Variants in TIMP2 observed in about 807,000 individuals in gnomAD.
TIMP2 encodes metalloproteinase inhibitor 2.
In TIMP2, 5 loss-of-function variants were observed where a neutral mutation model predicts 24.3. That is an observed-to-expected ratio of 0.21 (90% CI 0.11 to 0.43). The LOEUF is 0.43. Among genes scored for constraint, TIMP2 ranks in the 20% least tolerant of loss-of-function variants. TIMP2 has a pLI of 1.00. For synonymous variants in TIMP2, 130 were observed against 123.2 expected (o/e 1.06, Z -0.37); for missense variants, 221 against 297.5 (o/e 0.74, Z 1.89).
chr17:78,883,654 C>T (rs1177370738), intron 1 of TIMP2, among the ~76,000 whole-genome samples: 2 of 152,182 alleles, frequency 1.3e-5, no homozygotes, highest in Admixed American at 6.5e-5. Context: ...GATTCTAGTG[C>T]ACGTGAGCTG....
intron 1 of TIMP2, among the ~76,000 whole-genome samples, chr17:78,893,048 G>A (rs916802738): frequency 1.3e-5 from 2 of 152,206 alleles, no homozygotes; most frequent in Non-Finnish European, 2.9e-5. Context: ...GGAGGAGCCT[G>A]CCAAGCATGT....
At chr17:78,890,953 C>T in intron 1 of TIMP2, 1 of 1,551,016 alleles carries the variant, frequency 6.4e-7, no homozygotes, top group Non-Finnish European at 8.7e-7. Flanking sequence ...CAAGCGATTC[C>T]AGTTGTTTTT....
chr17:78,917,888 C>G (rs754985869), intron 1 of TIMP2, among the ~76,000 whole-genome samples: 1 of 152,150 alleles, frequency 6.6e-6, no homozygotes, highest in East Asian at 1.9e-4. Flanking sequence ...AAGGCAAGAT[C>G]GTTACCATCG....
chr17:78,893,496 T>C (rs970067503), intron 1 of TIMP2, among the ~76,000 whole-genome samples: 3 of 150,268 alleles, frequency 2.0e-5, no homozygotes, highest in Non-Finnish European at 3.0e-5. Flanking sequence ...CAGGGGTGTG[T>C]GCGCGCAGGG....
At chr17:78,914,901 C>CT (rs71161637) in intron 1 of TIMP2, among the ~76,000 whole-genome samples, 81,044 of 138,516 alleles carry the variant, frequency 0.59, 23,511 homozygotes, top group Middle Eastern at 0.67. Context: ...TGGGCTTTTT[C>CT]TTTTTTTTTT....
chr17:78,907,827 G>A (rs1415940561), intron 1 of TIMP2, among the ~76,000 whole-genome samples: 1 of 152,122 alleles, frequency 6.6e-6, no homozygotes, highest in Non-Finnish European at 1.5e-5. Flanking sequence ...AAAGTCTAAT[G>A]TCCCCTCATG....
rs2069895181 is a variant in TIMP2 at position 78,891,566 on chromosome 17, G to A, written c.131-17647C>T. 2 of 1,550,848 alleles carry A rather than the reference G, an allele frequency of 1.3e-6. No individual in the cohort carries two copies. The highest frequency in any genetic ancestry group is 2.0e-5 in the Admixed American group (1 of 51,004). ...TTCCCTTCTGCAGCTGGAATCAGCT[G>A]GCCACAGCTGCCCGAGGTCTCTCAG... On this transcript the variant is annotated intron_variant, in intron 1 of 4. Transcript: ENST00000262768. The surrounding 1 kb of genome is among the most constrained non-coding windows in gnomAD (Gnocchi z 4.5).
chr17:78,893,116 C>T (rs369357677), intron 1 of TIMP2, among the ~76,000 whole-genome samples: 108 of 143,136 alleles, frequency 7.5e-4, no homozygotes, highest in East Asian at 4.4e-3. Flanking sequence ...TGTGCACATG[C>T]ACATGTGTGT....
chr17:78,924,921 T>C lies in TIMP2; in HGVS notation c.130+38A>G. On this transcript the variant is annotated intron_variant, in intron 1 of 4. Transcript: ENST00000262768. The surrounding 1 kb of genome is among the most constrained non-coding windows in gnomAD (Gnocchi z 5.3). ...CGAACCCTCGGGGTCGCGGGGGAGG[T>C]GGGGCCCCGCGCGGGGGCTGGGGTC... 9.2e-7 allele frequency: 1 copy of C among 1,089,492 alleles called. No individual in the cohort carries two copies. The allele number at this position is 1,089,492 out of a possible 1,614,324, so 67.5% of individuals were successfully genotyped here. A position where few individuals can be genotyped will look rare whatever the true frequency, so the allele number is the denominator to read the frequency against.
Position 78,855,251 on chromosome 17 carries a change from C to T in TIMP2, c.*416G>A. ...CTCAAGATGAAAGGGACCTGGTAGG[C>T]CTGCTACACAGTCTTGCAACGACCC... is the stretch of plus-strand genomic sequence containing the variant. On this transcript the variant is annotated 3_prime_UTR_variant, in exon 5 of 5. Transcript: ENST00000262768. The surrounding 1 kb of genome is among the most constrained non-coding windows in gnomAD (Gnocchi z 6.0). The T allele has an allele frequency of 4.8e-6, 1 of 208,148 alleles. No individual in the cohort carries two copies. Among genetic ancestry groups the T allele is most frequent in the South Asian group, 8.4e-5 (1 of 11,952 alleles). 12.9% of individuals were successfully genotyped at this position (208,148 alleles called of 1,614,324 possible).
At position 78,857,761 on chromosome 17, in the gene TIMP2, T is replaced by A. The variant is rs570453811; in HGVS notation, c.341-115A>T. 2.1e-5 allele frequency: 30 copies of A among 1,409,420 alleles called. No individual in the cohort carries two copies. The African/African-American group carries it at 2.8e-4, about 13-fold the overall frequency. The allele number at this position is 1,409,420 out of a possible 1,614,324, so 87.3% of individuals were successfully genotyped here. On this transcript the variant is annotated intron_variant, in intron 3 of 4. Transcript: ENST00000262768. ...TTCGTTGCAACAATCCTGTGCACTG[T>A]CTATTCTGAGTTAAAACACAGTGGG...
At chr17:78,892,626 T>G in intron 1 of TIMP2, 1 of 1,043,414 alleles carries the variant, frequency 9.6e-7, no homozygotes, top group Non-Finnish European at 1.4e-6. Flanking sequence ...AGCCTCCCAA[T>G]TTCTGTCCTG....
intron 3 of TIMP2, among the ~76,000 whole-genome samples, chr17:78,867,681 C>T (rs1003075020): frequency 3.3e-5 from 5 of 151,134 alleles, no homozygotes; most frequent in African/African-American, 7.3e-5. Context: ...CTACAAGTTC[C>T]GCCTCCCGGG....
intron 1 of TIMP2, chr17:78,902,037 C>T (rs1378749378): frequency 1.9e-6 from 1 of 534,988 alleles, no homozygotes; most frequent in African/African-American, 1.9e-5. Flanking sequence ...CTGTGTGCTG[C>T]CAGAGGCTTG....
At chr17:78,883,477 T>C (rs552365065) in intron 1 of TIMP2, among the ~76,000 whole-genome samples, 15 of 152,226 alleles carry the variant, frequency 9.9e-5, no homozygotes, top group Non-Finnish European at 1.8e-4. Flanking sequence ...AGATATTTTG[T>C]TGGGGAGGGT....
At chr17:78,903,330 G>T in intron 1 of TIMP2, 1 of 152,614 alleles carries the variant, frequency 6.6e-6, no homozygotes, top group Non-Finnish European at 1.5e-5. Flanking sequence ...TAAAGATTTG[G>T]CTCAAGCAGC....
chr17:78,915,657 T>C (rs1259873919), intron 1 of TIMP2, among the ~76,000 whole-genome samples: 1 of 152,024 alleles, frequency 6.6e-6, no homozygotes, highest in African/African-American at 2.4e-5. Context: ...GTAGCTGGGA[T>C]TACAGGCGTG....
At chr17:78,873,686 G>C (rs936165230) in intron 2 of TIMP2, 133 bp downstream of exon 2, 2 of 653,942 alleles carry the variant, frequency 3.1e-6, no homozygotes, top group Non-Finnish European at 5.3e-6. Flanking sequence ...TCTATTTGCA[G>C]CTTGATGACC....
intron 3 of TIMP2, among the ~76,000 whole-genome samples, chr17:78,865,310 T>C (rs919046645): frequency 2.6e-5 from 4 of 152,082 alleles, no homozygotes; most frequent in Admixed American, 2.0e-4. Context: ...TAGATAGTGA[T>C]AGTTACACAA....
Sources: allele counts gnomAD v4.1 joint callset (sites outside exome capture counted in the v4.1 genomes callset), GRCh38; gene constraint gnomAD v4.1.1; non-coding constraint Gnocchi (gnomAD v3.1); transcripts MANE v1.5; gene names NCBI Gene and HGNC (gene_info 2026-07-23, HGNC 2026-07-21).